Variants in GLDC observed in about 807,000 individuals in gnomAD.
GLDC encodes the protein glycine dehydrogenase (decarboxylating), mitochondrial.
Under a neutral mutation model 121.3 loss-of-function variants are expected in GLDC, and 104 were observed. The observed-to-expected ratio is 0.86, with a 90% confidence interval of 0.73 to 1.01. GLDC has a LOEUF of 1.01. Ranked by LOEUF, GLDC falls within the 50% of genes least tolerant of loss-of-function variation. The pLI is 0.00. For synonymous variants in GLDC, 546 were observed against 480.6 expected (o/e 1.14, Z -1.78); for missense variants, 1,429 against 1,306.6 (o/e 1.09, Z -1.44).
chr9:6,639,669 GTATA>G lies in GLDC; in HGVS notation c.334+4941_334+4944del, dbSNP rs150365649. 224 of 226,830 alleles carry G rather than the reference GTATA, an allele frequency of 9.9e-4. 9 individuals carry two copies. The highest frequency in any genetic ancestry group is 3.5e-3 in the African/African-American group (108 of 30,690). The allele number at this position is 226,830 out of a possible 1,614,324, so 14.1% of individuals were successfully genotyped here. On this transcript the variant is annotated intron_variant, in intron 2 of 24. Coordinates refer to ENST00000321612, the MANE Select transcript of GLDC (RefSeq NM_000170.3). Reference sequence around the variant, plus strand: ...TATATCTTTTCACCATAAAAAAAAAGTATATATATATATATATATGGACAAAACA... The same window carrying G: ...TATATCTTTTCACCATAAAAAAAAAGTATATATATATATATGGACAAAACA...
In GLDC at chr9:6,620,310, T is replaced by A; in HGVS notation, c.344A>T (p.Glu115Val). 1 of 1,613,566 alleles carries A rather than the reference T, an allele frequency of 6.2e-7. No individual in the cohort carries two copies. The change falls in exon 3 of 25, where the codon GAA becomes GTA. Residue 115 changes from glutamate to valine, a missense_variant. Transcript: ENST00000321612. ...AATGGCATGCAGAGTTGCAAGGATT[T>A]CATTTTCACCTAATTGTGGGAAAAA... Reference protein sequence around the residue: ...LKMEDPVCENEILATLHAISS... With the variant: ...LKMEDPVCENVILATLHAISS...
At chr9:6,617,422 T>G (rs1462998070) in intron 3 of GLDC, among the ~76,000 whole-genome samples, 1 of 152,156 alleles carries the variant, frequency 6.6e-6, no homozygotes, top group African/African-American at 2.4e-5. Flanking sequence ...CTGGCCAGTA[T>G]TCAGATGGCT....
At chr9:6,572,275 G>A (rs1340024827) in intron 15 of GLDC, among the ~76,000 whole-genome samples, 2 of 152,156 alleles carry the variant, frequency 1.3e-5, no homozygotes, top group African/African-American at 2.4e-5. Context: ...CATAGCCAAC[G>A]AGCAGTAAGT....
chr9:6,603,189 C>T (rs1818653220), intron 7 of GLDC, among the ~76,000 whole-genome samples: 1 of 151,448 alleles, frequency 6.6e-6, no homozygotes, highest in East Asian at 1.9e-4. Flanking sequence ...GATCGTACCA[C>T]TGCACTCCAG....
chr9:6,613,808 G>A (rs1441283506), intron 3 of GLDC, among the ~76,000 whole-genome samples: 2 of 151,824 alleles, frequency 1.3e-5, no homozygotes, highest in Non-Finnish European at 2.9e-5. Flanking sequence ...ATAGAGTCTT[G>A]CTCTGTCACC....
chr9:6,555,290 T>A (rs11998836), intron 18 of GLDC, among the ~76,000 whole-genome samples: 1 of 152,108 alleles, frequency 6.6e-6, no homozygotes, highest in African/African-American at 2.4e-5. Flanking sequence ...AGGCTCGCAG[T>A]CTTCCCGAGA....
chr9:6,537,539 G>C (rs151202292), intron 22 of GLDC, among the ~76,000 whole-genome samples: 2 of 152,334 alleles, frequency 1.3e-5, no homozygotes, highest in Non-Finnish European at 2.9e-5. Context: ...CCAGCACTTT[G>C]GGAGGCCAAG....
chr9:6,599,619 G>C (rs1338663782), intron 8 of GLDC, among the ~76,000 whole-genome samples: 1 of 151,700 alleles, frequency 6.6e-6, no homozygotes, highest in Non-Finnish European at 1.5e-5. Flanking sequence ...TACTCAGGAG[G>C]CTGAGGCAAG....
intron 23 of GLDC, 80 bp from the exon 24 acceptor site, chr9:6,534,868 C>G: frequency 1.3e-6 from 1 of 781,608 alleles, no homozygotes; most frequent in Non-Finnish European, 2.3e-6. Context: ...AACCGTCAAT[C>G]TTCTGACAGG....
At position 6,565,745 on chromosome 9, in the gene GLDC, CAA is replaced by C. The variant is rs1253615543; in HGVS notation, c.1851-318_1851-317del. The C allele has an allele frequency of 4.9e-5, 28 of 568,440 alleles. 1 individual carries two copies. In the South Asian group the frequency reaches 6.5e-4, roughly 13 times the overall value. 35.2% of individuals were successfully genotyped at this position (568,440 alleles called of 1,614,324 possible). ...ATTATGAAAAATTTCAAAACTATAC[CAA>C]AATACAGTGAAGAACAAAAGGAACT... On this transcript the variant is annotated intron_variant, in intron 15 of 24. Coordinates refer to ENST00000321612, the MANE Select transcript of GLDC (RefSeq NM_000170.3).
chr9:6,578,549 CTT>C (rs1818116493), intron 15 of GLDC, among the ~76,000 whole-genome samples: 1 of 151,604 alleles, frequency 6.6e-6, no homozygotes, highest in Non-Finnish European at 1.5e-5. Flanking sequence ...CTCTTTTTTT[CTT>C]CTCTTAGAAA....
intron 21 of GLDC, among the ~76,000 whole-genome samples, chr9:6,544,301 G>GCCCC (rs1158645152): frequency 6.6e-6 from 1 of 151,946 alleles, no homozygotes; most frequent in Non-Finnish European, 1.5e-5. Flanking sequence ...GGATGTGAGG[G>GCCCC]CCCAGCCCCT....
intron 21 of GLDC, among the ~76,000 whole-genome samples, chr9:6,543,240 A>T (rs1817308740): frequency 6.6e-6 from 1 of 152,136 alleles, no homozygotes; most frequent in African/African-American, 2.4e-5. Context: ...ATGTGACTGT[A>T]CTCCAGCCTG....
In GLDC at chr9:6,629,957, AT is replaced by A. The variant is rs60203144; in HGVS notation, c.335-9639del. ...TATATATATATATGTATATATATAT[AT>A]TTTTTTTTTTTAAGAGAGACAAGGT... On this transcript the variant is annotated intron_variant, in intron 2 of 24. Transcript: ENST00000321612. Among the ~76,000 whole-genome samples the A allele has an allele frequency of 7.2e-4, 60 of 83,040 alleles. 1 individual carries two copies. The highest frequency in any genetic ancestry group is 1.2e-3 in the South Asian group (3 of 2,570). 54.5% of individuals were successfully genotyped at this position (83,040 alleles called of 152,430 possible).
intron 15 of GLDC, among the ~76,000 whole-genome samples, chr9:6,572,274 C>T (rs1359509541): frequency 3.3e-5 from 5 of 152,120 alleles, no homozygotes; most frequent in East Asian, 3.9e-4. Context: ...CCATAGCCAA[C>T]GAGCAGTAAG....
At chr9:6,605,042 G>A in intron 6 of GLDC, 89 bp downstream of exon 6, 1 of 1,246,166 alleles carries the variant, frequency 8.0e-7, no homozygotes, top group Non-Finnish European at 1.2e-6. Flanking sequence ...AAGAAATTAA[G>A]GCACATGAAA....
intron 15 of GLDC, among the ~76,000 whole-genome samples, chr9:6,583,922 A>T (rs1818217802): frequency 6.6e-6 from 1 of 152,244 alleles, no homozygotes; most frequent in African/African-American, 2.4e-5. Context: ...GAATTTGAGA[A>T]AATCAAAAAG....
intron 15 of GLDC, among the ~76,000 whole-genome samples, chr9:6,581,833 C>T (rs567558652): frequency 9.2e-5 from 14 of 152,108 alleles, no homozygotes; most frequent in African/African-American, 3.1e-4. Context: ...TTTAGAGTTG[C>T]CTTTGTGCAT....
chr9:6,565,314 T>C, intron 16 of GLDC, 40 bp downstream of exon 16: 1 of 1,405,488 alleles, frequency 7.1e-7, no homozygotes, highest in Non-Finnish European at 1.0e-6. Context: ...AGGACCTCTG[T>C]GCCCCATGGT....
Sources: gnomAD v4.1 joint callset for allele counts (sites outside exome capture counted in the v4.1 genomes callset) on GRCh38, gnomAD v4.1.1 for gene constraint, MANE v1.5 for transcripts, NCBI Gene and HGNC (gene_info 2026-07-23, HGNC 2026-07-21) for gene names.